Variants in FGF14 observed in about 807,000 individuals in gnomAD.
The protein encoded by FGF14 is fibroblast growth factor 14.
FGF14 carries 5 observed loss-of-function variants against 25.5 expected under a neutral mutation model. The observed-to-expected ratio is 0.20, with a 90% confidence interval of 0.10 to 0.41. FGF14 has a LOEUF of 0.41. FGF14 is among the 10% of genes least tolerant of loss of function. The pLI, the probability that FGF14 is intolerant of heterozygous loss-of-function variation, is 1.00. For missense variants in FGF14, 222 were observed against 320.1 expected, an observed-to-expected ratio of 0.69 and a Z score of 2.34; for synonymous variants, 138 against 118.3, an observed-to-expected ratio of 1.17 and a Z score of -1.08.
chr13:102,330,040 C>T (rs1416476897), intron 1 of FGF14, among the ~76,000 whole-genome samples: 1 of 152,184 alleles, frequency 6.6e-6, no homozygotes, highest in African/African-American at 2.4e-5. Context: ...TCTGATCACA[C>T]AACCGCTAAC....
chr13:101,787,967 G>A (rs1256200070), intron 3 of FGF14, among the ~76,000 whole-genome samples: 1 of 152,188 alleles, frequency 6.6e-6, no homozygotes, highest in Non-Finnish European at 1.5e-5. Context: ...CGCCTCCCAG[G>A]TTCAAGTGAT....
At chr13:102,315,208 ATAT>A (rs1257289786) in intron 1 of FGF14, among the ~76,000 whole-genome samples, 3 of 152,110 alleles carry the variant, frequency 2.0e-5, no homozygotes, top group African/African-American at 2.4e-5. Flanking sequence ...CAAGGAAAAA[ATAT>A]TATAAAATCT....
intron 3 of FGF14, among the ~76,000 whole-genome samples, chr13:101,785,373 C>A (rs1239940368): frequency 7.5e-5 from 11 of 146,308 alleles, no homozygotes; most frequent in African/African-American, 2.7e-4. Context: ...AAACCCAAAC[C>A]AAAACAAAGC....
At chr13:102,049,691 C>T (rs999429079) in intron 1 of FGF14, among the ~76,000 whole-genome samples, 22 of 151,802 alleles carry the variant, frequency 1.4e-4, no homozygotes, top group African/African-American at 5.3e-4. Context: ...GAGAATATGC[C>T]CCTAATGCAA....
At chr13:101,796,405 C>G (rs1290034095) in intron 3 of FGF14, among the ~76,000 whole-genome samples, 1 of 151,886 alleles carries the variant, frequency 6.6e-6, no homozygotes, top group East Asian at 1.9e-4. Flanking sequence ...TAATGTTGAG[C>G]CTGAGCATGC....
chr13:101,846,380 G>T (rs535944355), intron 3 of FGF14, among the ~76,000 whole-genome samples: 1 of 151,946 alleles, frequency 6.6e-6, no homozygotes, highest in East Asian at 1.9e-4. Context: ...TTGGTAGCAT[G>T]TCAGCATATT....
chr13:102,030,383 A>G (rs2041151634), intron 1 of FGF14, among the ~76,000 whole-genome samples: 1 of 149,728 alleles, frequency 6.7e-6, no homozygotes, highest in South Asian at 2.1e-4. Context: ...TTGTGTAGAT[A>G]TGGTTTTGAG....
At chr13:102,105,058 T>C (rs1190909749) in intron 1 of FGF14, among the ~76,000 whole-genome samples, 4 of 152,210 alleles carry the variant, frequency 2.6e-5, no homozygotes, top group Admixed American at 1.3e-4. Flanking sequence ...AATTTTCTAA[T>C]GTAAGGAGGT....
At chr13:101,780,090 T>G (rs1259680252) in intron 3 of FGF14, among the ~76,000 whole-genome samples, 3 of 152,190 alleles carry the variant, frequency 2.0e-5, no homozygotes, top group South Asian at 2.1e-4. Context: ...TTAATATCCC[T>G]GAGCATCAGT....
upstream of FGF14, among the ~76,000 whole-genome samples, chr13:101,919,909 T>C (rs1419721667): frequency 6.6e-6 from 1 of 152,144 alleles, no homozygotes; most frequent in East Asian, 1.9e-4. Flanking sequence ...CTCCGGAGTC[T>C]CCGGGCATCT....
At chr13:101,951,127 T>C (rs976874323) in intron 1 of FGF14, among the ~76,000 whole-genome samples, 5 of 152,136 alleles carry the variant, frequency 3.3e-5, no homozygotes, top group African/African-American at 7.2e-5. Context: ...GTCAGATAAA[T>C]GGCTATTTGA....
intron 1 of FGF14, among the ~76,000 whole-genome samples, chr13:101,950,846 T>C (rs1262004059): frequency 1.4e-5 from 2 of 143,840 alleles, no homozygotes; most frequent in Admixed American, 1.4e-4. Context: ...GTTCAAGTGG[T>C]CAAATTAAAA....
rs188616734 is a variant in FGF14 at position 101,718,421 on chromosome 13, A to G, written c.*4410T>C. ...CTAAAAAACAAGCAGGGCAAGAACA[A>G]ACTTACTTGTAATGGGTGAGAGAAA... On this transcript the variant is annotated 3_prime_UTR_variant, in exon 5 of 5. Coordinates refer to ENST00000376143, the MANE Select transcript of FGF14 (RefSeq NM_004115.4). The G allele has an allele frequency of 1.2e-4, 19 of 152,254 alleles. 1 individual carries two copies. The East Asian group carries it at 3.7e-3, about 29-fold the overall frequency. The allele number at this position is 152,254 out of a possible 1,614,324, so 9.4% of individuals were successfully genotyped here. A position where few individuals can be genotyped will look rare whatever the true frequency, so the allele number is the denominator to read the frequency against.
chr13:101,780,879 G>C (rs895984896), intron 3 of FGF14, among the ~76,000 whole-genome samples: 1 of 152,032 alleles, frequency 6.6e-6, no homozygotes, highest in African/African-American at 2.4e-5. Flanking sequence ...ACGTTCCTCC[G>C]AAGCAGACGG....
chr13:102,330,624 C>T (rs1009787431), intron 1 of FGF14, among the ~76,000 whole-genome samples: 3 of 152,076 alleles, frequency 2.0e-5, no homozygotes, highest in Admixed American at 6.6e-5. Flanking sequence ...GTTTCAATCC[C>T]GCCCCACTCC....
At chr13:102,098,782 G>C (rs1326384492) in intron 1 of FGF14, among the ~76,000 whole-genome samples, 11 of 152,162 alleles carry the variant, frequency 7.2e-5, no homozygotes, top group Admixed American at 7.2e-4. Context: ...GACAGAAAAG[G>C]CTCCCCTGCA....
intron 1 of FGF14, among the ~76,000 whole-genome samples, chr13:102,352,229 A>T (rs1446227833): frequency 6.9e-6 from 1 of 144,714 alleles, no homozygotes; most frequent in African/African-American, 2.6e-5. Context: ...CAACCACAAT[A>T]TCTGTACCTT....
At chr13:101,842,425 C>T (rs1046166831) in intron 3 of FGF14, among the ~76,000 whole-genome samples, 4 of 151,964 alleles carry the variant, frequency 2.6e-5, no homozygotes, top group African/African-American at 9.7e-5. Context: ...AATAAAGATC[C>T]TCTTCAACAC....
chr13:101,941,080 C>G (rs2035419238), intron 1 of FGF14, among the ~76,000 whole-genome samples: 1 of 152,122 alleles, frequency 6.6e-6, no homozygotes, highest in Non-Finnish European at 1.5e-5. Flanking sequence ...CTGAAAAGAG[C>G]AACATTGCGG....
Sources: allele counts gnomAD v4.1 joint callset (sites outside exome capture counted in the v4.1 genomes callset), GRCh38; gene constraint gnomAD v4.1.1; transcripts MANE v1.5; gene names NCBI Gene and HGNC (gene_info 2026-07-23, HGNC 2026-07-21).